The following PATJ variants were observed in gnomAD, a reference collection of about 807,000 sequenced individuals.
PATJ encodes the protein PATJ crumbs cell polarity complex component.
Under a neutral mutation model 224.9 loss-of-function variants are expected in PATJ, and 190 were observed. That is an observed-to-expected ratio of 0.84 (90% confidence interval 0.75 to 0.95). PATJ has a LOEUF of 0.95. PATJ is among the 40% of genes least tolerant of loss of function. The probability of loss-of-function intolerance (pLI) is 0.00; values close to 1 mark genes in which losing one functional copy is unlikely to be tolerated. For missense variants in PATJ, 2,121 were observed against 2,270.3 expected (o/e 0.93, Z 1.34); for synonymous variants, 769 against 820.3 (o/e 0.94, Z 1.07).
At chr1:61,988,090 T>A (rs1644864259) in intron 27 of PATJ, among the ~76,000 whole-genome samples, 1 of 152,074 alleles carries the variant, frequency 6.6e-6, no homozygotes, top group South Asian at 2.1e-4. Flanking sequence ...TCCCAGCTAC[T>A]CAGGAGGCTG....
chr1:61,899,739 C>T lies in PATJ; in HGVS notation c.3203+85C>T, dbSNP rs115031194. ...TTAACTTAACAGAACATTATTTAGT[C>T]CTACTCTAATGATTGAGAATTGCGA... On this transcript the variant is annotated intron_variant, in intron 23 of 43. Coordinates refer to ENST00000642238, the MANE Select transcript of PATJ (RefSeq NM_001350145.3). 1.9e-3 allele frequency: 1,660 copies of T among 855,032 alleles called. 14 individuals carry two copies. The African/African-American group carries it at 0.028, about 15-fold the overall frequency. 53.0% of individuals were successfully genotyped at this position (855,032 alleles called of 1,614,324 possible). A position where few individuals can be genotyped will look rare whatever the true frequency, so the allele number is the denominator to read the frequency against.
chr1:62,070,232 C>T (rs17123041), intron 31 of PATJ, among the ~76,000 whole-genome samples: 2,051 of 152,278 alleles, frequency 0.013, 37 homozygotes, highest in South Asian at 0.086. Context: ...CCAATAGTTT[C>T]TGTTTACGAG....
intron 41 of PATJ, among the ~76,000 whole-genome samples, chr1:62,135,351 A>C (rs563102353): frequency 6.6e-6 from 1 of 152,002 alleles, no homozygotes. Flanking sequence ...AACCCCCTCT[A>C]CTAAAAATAC....
At chr1:61,978,689 T>G (rs1644284065) in intron 27 of PATJ, among the ~76,000 whole-genome samples, 1 of 152,118 alleles carries the variant, frequency 6.6e-6, no homozygotes, top group Non-Finnish European at 1.5e-5. Flanking sequence ...AGATGTTTAT[T>G]ATACCTGATT....
chr1:61,922,827 C>A (rs970914420), intron 26 of PATJ, among the ~76,000 whole-genome samples: 1 of 152,154 alleles, frequency 6.6e-6, no homozygotes, highest in East Asian at 1.9e-4. Flanking sequence ...AGTTACTGTG[C>A]AACAATCTGG....
rs74580152 is a variant in PATJ at position 61,858,838 on chromosome 1, C to T, written c.2322+2599C>T. Among the ~76,000 whole-genome samples the T allele has an allele frequency of 5.1e-3, 771 of 152,212 alleles. 3 individuals carry two copies. The highest frequency in any genetic ancestry group is 0.014 in the Middle Eastern group (4 of 292). On this transcript the variant is annotated intron_variant, in intron 18 of 43. Coordinates refer to ENST00000642238, the MANE Select transcript of PATJ (RefSeq NM_001350145.3). ...TCATGTATTACTTTTTTATTCTGGC[C>T]TGTGTATTACATCTATCAGACACTT...
intron 8 of PATJ, among the ~76,000 whole-genome samples, chr1:61,790,905 A>G (rs1172008890): frequency 2.0e-5 from 3 of 152,134 alleles, no homozygotes; most frequent in Non-Finnish European, 4.4e-5. Flanking sequence ...ACCCAGTCTC[A>G]TTCAGATTGT....
intron 29 of PATJ, among the ~76,000 whole-genome samples, chr1:62,032,000 G>A (rs61775659): frequency 0.13 from 20,102 of 151,992 alleles, 1,543 homozygotes; most frequent in Middle Eastern, 0.24. Flanking sequence ...CTTGCTATGT[G>A]ACAAATTACC....
intron 21 of PATJ, among the ~76,000 whole-genome samples, chr1:61,877,760 C>A (rs993281511): frequency 1.3e-5 from 2 of 152,130 alleles, no homozygotes; most frequent in African/African-American, 4.8e-5. Flanking sequence ...ACCCAGTCTC[C>A]GGTAGTTCTT....
At chr1:61,863,670 ATATT>A (rs1557776220) in intron 19 of PATJ, among the ~76,000 whole-genome samples, 1 of 152,110 alleles carries the variant, frequency 6.6e-6, no homozygotes, top group African/African-American at 2.4e-5. Flanking sequence ...TCATTCCTTC[ATATT>A]TATTTTCAAC....
At chr1:62,132,595 T>C in intron 41 of PATJ, among the ~76,000 whole-genome samples, 1 of 152,074 alleles carries the variant, frequency 6.6e-6, no homozygotes, top group African/African-American at 2.4e-5. Context: ...TATAGAATCA[T>C]TTTGACTTTT....
Position 62,084,601 on chromosome 1 carries a change from C to T in PATJ, c.4330C>T (p.Arg1444Cys), listed in dbSNP as rs745650391. 6.8e-6 allele frequency: 11 copies of T among 1,613,054 alleles called. No individual in the cohort carries two copies. The highest frequency in any genetic ancestry group is 1.6e-4 in the Middle Eastern group (1 of 6,082). The change falls in exon 33 of 44, where the codon CGT (arginine) becomes TGT (cysteine). Residue 1444 changes from arginine (R) to cysteine (C), a missense_variant. Coordinates refer to ENST00000642238, the MANE Select transcript of PATJ (RefSeq NM_001350145.3). ...QEMIIEISKG[R>C]SGLGLSIVGG... ...AATGATTATAGAAATATCCAAGGGA[C>T]GTTCAGGGCTTGGTCTCAGCATTGT... is the stretch of plus-strand genomic sequence containing the variant.
chr1:62,054,651 G>A lies in PATJ; in HGVS notation c.4125+3593G>A, dbSNP rs565438749. On this transcript the variant is annotated intron_variant, in intron 31 of 43. Coordinates refer to ENST00000642238, the MANE Select transcript of PATJ (RefSeq NM_001350145.3). ...TGGTATCTATTTCAGAAGTCTAGAT[G>A]AGAGCCTGTTAGAAGCCTTTTGAAA... Among the ~76,000 whole-genome samples, 15 of 152,350 alleles carry A rather than the reference G, an allele frequency of 9.8e-5. 1 individual carries two copies. The South Asian group carries it at 2.3e-3, about 23-fold the overall frequency.
intron 29 of PATJ, among the ~76,000 whole-genome samples, chr1:62,036,899 A>G (rs1304457636): frequency 3.7e-5 from 5 of 136,178 alleles, no homozygotes; most frequent in Non-Finnish European, 7.9e-5. Context: ...GAAAGGAAGG[A>G]AGGGAGGGAG....
chr1:62,013,245 C>A (rs1351398789), intron 28 of PATJ: 6 of 518,534 alleles, frequency 1.2e-5, no homozygotes, highest in African/African-American at 2.1e-5. Context: ...TGGAGGACCA[C>A]CACTAAAGAA....
chr1:61,830,605 A>G (rs1659131496), intron 16 of PATJ, among the ~76,000 whole-genome samples: 1 of 151,716 alleles, frequency 6.6e-6, no homozygotes, highest in Non-Finnish European at 1.5e-5. Context: ...AGCCAGAGGT[A>G]TCACACTACC....
intron 24 of PATJ, among the ~76,000 whole-genome samples, chr1:61,903,212 G>A (rs2149174892): frequency 6.6e-6 from 1 of 152,370 alleles, no homozygotes; most frequent in South Asian, 2.1e-4. Context: ...CCAGAAGGCT[G>A]TTGCAGTAAC....
chr1:61,780,505 C>T (rs950799628), intron 7 of PATJ, among the ~76,000 whole-genome samples: 4 of 152,066 alleles, frequency 2.6e-5, no homozygotes, highest in African/African-American at 9.7e-5. Context: ...ATCTGTGGCA[C>T]AACACAATAT....
intron 14 of PATJ, among the ~76,000 whole-genome samples, chr1:61,816,060 T>C (rs576134955): frequency 6.9e-4 from 105 of 152,296 alleles, no homozygotes; most frequent in African/African-American, 2.3e-3. Flanking sequence ...CTCTCTGGTT[T>C]TGACAAAAAA....
Sources: gnomAD v4.1 joint callset for allele counts (sites outside exome capture counted in the v4.1 genomes callset) on GRCh38, gnomAD v4.1.1 for gene constraint, MANE v1.5 for transcripts, NCBI Gene and HGNC (gene_info 2026-07-23, HGNC 2026-07-21) for gene names.